Variants in SEMA4D observed in about 807,000 individuals in gnomAD.
SEMA4D encodes semaphorin-4D.
In SEMA4D, 22 loss-of-function variants were observed where a neutral mutation model predicts 74.8. The ratio of observed to expected loss-of-function variants is 0.29; its 90% CI spans 0.21 to 0.42. The LOEUF (loss-of-function observed/expected upper bound fraction) is 0.42, where lower values mean the gene tolerates loss of function less well. Among genes scored for constraint, SEMA4D ranks in the 10% least tolerant of loss-of-function variants. The pLI is 1.00. For synonymous variants in SEMA4D, 445 were observed against 463.7 expected (o/e 0.96, Z 0.52); for missense variants, 937 against 1,118.4 (o/e 0.84, Z 2.31).
chr9:89,452,681 C>A (rs1854892385), intron 2 of SEMA4D, among the ~76,000 whole-genome samples: 1 of 152,124 alleles, frequency 6.6e-6, no homozygotes, highest in South Asian at 2.1e-4. Flanking sequence ...TTGAACTCCC[C>A]ACCTCAGATG....
At chr9:89,449,791 C>T in intron 2 of SEMA4D, 2 of 1,502,838 alleles carry the variant, frequency 1.3e-6, no homozygotes, top group South Asian at 1.1e-5. Flanking sequence ...GCTTTTCCCA[C>T]CAGCATTTTG....
At chr9:89,444,680 C>G (rs1852419044) in intron 2 of SEMA4D, among the ~76,000 whole-genome samples, 1 of 151,476 alleles carries the variant, frequency 6.6e-6, no homozygotes, top group African/African-American at 2.4e-5. Context: ...GAGTTTAATT[C>G]AAACACACAA....
intron 1 of SEMA4D, among the ~76,000 whole-genome samples, chr9:89,459,809 C>T (rs1035447667): frequency 1.3e-5 from 2 of 152,186 alleles, no homozygotes; most frequent in Admixed American, 6.5e-5. Flanking sequence ...AAGACCCAGG[C>T]TAAGATTTGA....
intron 2 of SEMA4D, 154 bp from the exon 3 acceptor site, chr9:89,405,853 T>C (rs1264809872): frequency 3.2e-6 from 4 of 1,262,468 alleles, no homozygotes; most frequent in East Asian, 6.1e-5. Flanking sequence ...GTCTTAGAAG[T>C]GGACAGCCCA....
In SEMA4D at chr9:89,379,400, C is replaced by A. The variant is rs1021571995; in HGVS notation, c.1893G>T (p.Lys631Asn). Reference protein sequence around the residue: ...VYQCLSEERVKNKTVFQVVAK... With the variant: ...VYQCLSEERVNNKTVFQVVAK... ...CGACCACTTGGAAGACCGTTTTGTT[C>A]TTAACCCTCTCCTCTGACAGGCACT... The change falls in exon 16 of 16, where the codon AAG becomes AAT. Residue 631 changes from lysine to asparagine, a missense_variant. Coordinates refer to ENST00000422704, the MANE Select transcript of SEMA4D (RefSeq NM_001371194.2). The A allele has an allele frequency of 3.1e-6, 5 of 1,614,102 alleles. No individual in the cohort carries two copies. The highest frequency in any genetic ancestry group is 4.2e-6 in the Non-Finnish European group (5 of 1,180,052).
chr9:89,414,956 C>G (rs1845388842), intron 2 of SEMA4D, among the ~76,000 whole-genome samples: 1 of 152,332 alleles, frequency 6.6e-6, no homozygotes, highest in South Asian at 2.1e-4. Context: ...GGGAGAGAGA[C>G]AGAGGGCGGT....
chr9:89,382,800 C>A (rs1264238802), intron 13 of SEMA4D, among the ~76,000 whole-genome samples: 1 of 152,220 alleles, frequency 6.6e-6, no homozygotes, highest in Admixed American at 6.5e-5. Flanking sequence ...GGCGTGAACA[C>A]CATGCAGTGC....
intron 1 of SEMA4D, among the ~76,000 whole-genome samples, chr9:89,478,063 G>C (rs142565459): frequency 2.7e-4 from 41 of 152,312 alleles, no homozygotes; most frequent in African/African-American, 8.4e-4. Flanking sequence ...TGCTGATAAA[G>C]CCCTGCTGAA....
At chr9:89,399,617 G>A (rs550821231) in intron 4 of SEMA4D, among the ~76,000 whole-genome samples, 16 of 152,194 alleles carry the variant, frequency 1.1e-4, no homozygotes, top group Non-Finnish European at 2.2e-4. Context: ...TCAAACTCGT[G>A]AAAGTGGAGA....
Position 89,379,483 on chromosome 9 carries a change from T to A in SEMA4D, c.1810A>T (p.Met604Leu), listed in dbSNP as rs1171456614. 6.2e-7 allele frequency: 1 copy of A among 1,614,044 alleles called. No homozygotes were observed. The highest frequency in any genetic ancestry group is 8.5e-7 in the Non-Finnish European group (1 of 1,180,032). The change falls in exon 16 of 16, where the codon ATG (methionine) becomes TTG (leucine). Residue 604 changes from methionine to leucine, a missense_variant. Coordinates refer to ENST00000422704, the MANE Select transcript of SEMA4D (RefSeq NM_001371194.2). ...LKAESPKYGL[M>L]GRKNLLIFNL... ...AAGATGAGCAAGTTTTTTCTGCCCA[T>A]AAGACCGTACTTGGGGCTCTCGGCC...
rs370292258 is a variant in SEMA4D at position 89,448,082 on chromosome 9, C to T, written c.-244+7806G>A. On this transcript the variant is annotated intron_variant, in intron 2 of 15. Transcript: ENST00000422704. The stretch of plus-strand genomic sequence containing the variant: ...CTTGAATACCTGGCCTTAAGTCACA[C>T]TCCCACCTCAGCCTCCTGAGCAGCT... Among the ~76,000 whole-genome samples, 62 of 152,312 alleles carry T rather than the reference C, an allele frequency of 4.1e-4. 2 individuals are homozygous for T. In the South Asian group the frequency reaches 0.012, roughly 31 times the overall value.
At chr9:89,440,686 T>C (rs984172129) in intron 2 of SEMA4D, among the ~76,000 whole-genome samples, 2 of 152,238 alleles carry the variant, frequency 1.3e-5, no homozygotes, top group African/African-American at 4.8e-5. Context: ...AACTACTTGC[T>C]ACGTGCCACA....
At chr9:89,375,166 C>T (rs1464811502), downstream of SEMA4D, among the ~76,000 whole-genome samples, 1 of 152,196 alleles carries the variant, frequency 6.6e-6, no homozygotes, top group Non-Finnish European at 1.5e-5. Flanking sequence ...GCCCGCTTCC[C>T]AGCCTCCCCA....
intron 1 of SEMA4D, among the ~76,000 whole-genome samples, chr9:89,494,837 C>T (rs1651061300): frequency 6.6e-6 from 1 of 152,130 alleles, no homozygotes; most frequent in African/African-American, 2.4e-5. Context: ...ATTTCATCTA[C>T]CAACACTCAG....
intron 2 of SEMA4D, among the ~76,000 whole-genome samples, chr9:89,450,978 A>G (rs1349329513): frequency 6.6e-6 from 1 of 152,144 alleles, no homozygotes; most frequent in Non-Finnish European, 1.5e-5. Context: ...CTTTAATTGA[A>G]CAAAAGAAAT....
chr9:89,481,763 C>T (rs1824717441), intron 1 of SEMA4D, among the ~76,000 whole-genome samples: 1 of 152,214 alleles, frequency 6.6e-6, no homozygotes, highest in Admixed American at 6.5e-5. Flanking sequence ...CAAGATTAAC[C>T]TGCGCTGTGA....
chr9:89,446,594 G>T (rs1852921157), intron 2 of SEMA4D, among the ~76,000 whole-genome samples: 1 of 152,202 alleles, frequency 6.6e-6, no homozygotes, highest in South Asian at 2.1e-4. Context: ...GCAGAGAGGG[G>T]AGGCTGCCTC....
At chr9:89,418,979 G>A (rs1587738683) in intron 2 of SEMA4D, 2 of 99,614 alleles carry the variant, frequency 2.0e-5, no homozygotes, top group African/African-American at 7.2e-5. Flanking sequence ...CTCTACAGGA[G>A]CCCCCGTCCC....
At position 89,377,269 on chromosome 9, in the gene SEMA4D, T is replaced by G; in HGVS notation, c.*1435A>C. ...GAAGCTTCTCATTTATTTGGGTACT[T>G]TCCAAATGTATACAATTCAAAGTAG... On this transcript the variant is annotated 3_prime_UTR_variant, in exon 16 of 16. Coordinates refer to ENST00000422704, the MANE Select transcript of SEMA4D (RefSeq NM_001371194.2). The G allele has an allele frequency of 1.6e-6, 1 of 610,834 alleles. No homozygotes were observed. The highest frequency in any genetic ancestry group is 2.6e-6 in the Non-Finnish European group (1 of 388,780). The allele number at this position is 610,834 out of a possible 1,614,324, so 37.8% of individuals were successfully genotyped here.
Sources: gnomAD v4.1 joint callset for allele counts (sites outside exome capture counted in the v4.1 genomes callset) on GRCh38, gnomAD v4.1.1 for gene constraint, MANE v1.5 for transcripts, NCBI Gene and HGNC (gene_info 2026-07-23, HGNC 2026-07-21) for gene names.